The following CALN1 variants were observed in gnomAD, a reference collection of about 807,000 sequenced individuals.
The protein encoded by CALN1 is calcium-binding protein 8.
Under a neutral mutation model 30.6 loss-of-function variants are expected in CALN1, and 17 were observed. The ratio of observed to expected loss-of-function variants is 0.56; its 90% CI spans 0.38 to 0.83. CALN1 has a LOEUF of 0.83. Among genes scored for constraint, CALN1 ranks in the 40% least tolerant of loss-of-function variants. The probability of loss-of-function intolerance (pLI) is 0.00; values close to 1 mark genes in which losing one functional copy is unlikely to be tolerated. For synonymous variants in CALN1, 156 were observed against 131.4 expected (o/e 1.19, Z -1.28); for missense variants, 291 against 354.9 (o/e 0.82, Z 1.45).
intron 2 of CALN1, among the ~76,000 whole-genome samples, chr7:72,331,827 G>A (rs1048071759): frequency 1.3e-5 from 2 of 152,006 alleles, no homozygotes; most frequent in Non-Finnish European, 1.5e-5. Flanking sequence ...AATCCATTAG[G>A]TATTCTTCCT....
chr7:71,908,398 A>G (rs1794251798), intron 5 of CALN1, among the ~76,000 whole-genome samples: 1 of 152,220 alleles, frequency 6.6e-6, no homozygotes, highest in South Asian at 2.1e-4. Flanking sequence ...AAGGAAAGCT[A>G]CTTTCAATGC....
chr7:71,784,711 C>T lies in CALN1; in HGVS notation c.*3064G>A, dbSNP rs1373803291. On this transcript the variant is annotated 3_prime_UTR_variant, in exon 7 of 7. Coordinates refer to ENST00000395275, the MANE Select transcript of CALN1 (RefSeq NM_031468.4). ...GTTTGTCAATCACTCAGCCTCCACA[C>T]AGTTGGGCAGCCAAGGTCACTGGTT... 10 of 398,076 alleles carry T rather than the reference C, an allele frequency of 2.5e-5. No individual in the cohort carries two copies. Among genetic ancestry groups the T allele is most frequent in the Non-Finnish European group, 4.0e-5 (9 of 225,910 alleles). 24.7% of individuals were successfully genotyped at this position (398,076 alleles called of 1,614,324 possible). A position where few individuals can be genotyped will look rare whatever the true frequency, so the allele number is the denominator to read the frequency against.
At chr7:72,275,207 G>GC (rs1764236569) in intron 3 of CALN1, among the ~76,000 whole-genome samples, 1 of 152,086 alleles carries the variant, frequency 6.6e-6, no homozygotes, top group Admixed American at 6.6e-5. Context: ...AAAGGATGCT[G>GC]CGATGTCCAT....
At chr7:71,963,407 T>C (rs1007800829) in intron 5 of CALN1, among the ~76,000 whole-genome samples, 32 of 152,212 alleles carry the variant, frequency 2.1e-4, no homozygotes, top group African/African-American at 5.1e-4. Flanking sequence ...GTGATCCACC[T>C]GCCTCAGCCT....
At chr7:71,848,090 G>A (rs912144435) in intron 5 of CALN1, among the ~76,000 whole-genome samples, 2 of 152,144 alleles carry the variant, frequency 1.3e-5, no homozygotes, top group Admixed American at 1.3e-4. Context: ...TCTAGTCAAG[G>A]TAACACATAA....
rs563924443 is a variant in CALN1, at chr7:71,895,761, C to T, written c.502-85269G>A. 3.2e-4 allele frequency among the ~76,000 whole-genome samples: 49 copies of T among 152,330 alleles called. No individual in the cohort carries two copies. In the East Asian group the frequency reaches 8.9e-3, roughly 28 times the overall value. On this transcript the variant is annotated intron_variant, in intron 5 of 6. Transcript: ENST00000395275. The stretch of plus-strand genomic sequence containing the variant: ...CCTGCTAGAGATGTACCTACTAAGG[C>T]ATGGATTCCTTCCAGTCATTCATTA...
intron 4 of CALN1, among the ~76,000 whole-genome samples, chr7:72,034,163 C>T (rs905457502): frequency 1.3e-5 from 2 of 151,644 alleles, no homozygotes; most frequent in African/African-American, 4.8e-5. Context: ...ACCATCCTGG[C>T]TAACACGGTG....
At chr7:71,812,386 T>C (rs914576305) in intron 5 of CALN1, among the ~76,000 whole-genome samples, 9 of 152,134 alleles carry the variant, frequency 5.9e-5, no homozygotes, top group Non-Finnish European at 1.2e-4. Flanking sequence ...ATGAGAAAAC[T>C]GTGACTGGAG....
intron 4 of CALN1, among the ~76,000 whole-genome samples, chr7:72,077,252 C>CA (rs1231764049): frequency 2.0e-5 from 3 of 151,790 alleles, no homozygotes; most frequent in Non-Finnish European, 4.4e-5. Flanking sequence ...CTAGCTGGGG[C>CA]AAAGAAGGAA....
chr7:72,367,247 G>A (rs1251285096), intron 2 of CALN1, among the ~76,000 whole-genome samples: 1 of 152,150 alleles, frequency 6.6e-6, no homozygotes, highest in African/African-American at 2.4e-5. Context: ...AACACTTTGG[G>A]AGGCTGAGGC....
intron 3 of CALN1, among the ~76,000 whole-genome samples, chr7:72,171,686 G>T (rs1315499302): frequency 6.6e-6 from 1 of 152,072 alleles, no homozygotes; most frequent in East Asian, 1.9e-4. Context: ...GATTTTTGAA[G>T]ATCTTTGTAC....
chr7:72,348,319 A>C (rs908117515), intron 2 of CALN1, among the ~76,000 whole-genome samples: 1 of 152,190 alleles, frequency 6.6e-6, no homozygotes, highest in Non-Finnish European at 1.5e-5. Context: ...GCAACTGCCC[A>C]GCTTTCTACC....
chr7:72,109,798 T>C (rs1056342361), intron 3 of CALN1, among the ~76,000 whole-genome samples: 3 of 152,304 alleles, frequency 2.0e-5, no homozygotes, highest in African/African-American at 7.2e-5. Context: ...AGTCAGCCCA[T>C]GAGGCAGCCA....
intron 1 of CALN1, among the ~76,000 whole-genome samples, chr7:72,441,078 G>T (rs1292358283): frequency 6.6e-6 from 1 of 152,070 alleles, no homozygotes; most frequent in East Asian, 1.9e-4. Context: ...TTTCAAGTAG[G>T]GTAAAATCTG....
chr7:72,501,321 C>G, the CALN1 span, among the ~76,000 whole-genome samples: 1 of 118,834 alleles, frequency 8.4e-6, no homozygotes, highest in Non-Finnish European at 1.6e-5. Flanking sequence ...TCACTTGAGA[C>G]CAGGAGTTCA....
At chr7:72,001,271 T>C (rs1584718932) in intron 5 of CALN1, among the ~76,000 whole-genome samples, 2 of 152,038 alleles carry the variant, frequency 1.3e-5, no homozygotes, top group East Asian at 2.0e-4. Flanking sequence ...TCTAAACAGG[T>C]AGAAAAACCT....
At chr7:72,290,276 A>G (rs1051802655) in intron 2 of CALN1, among the ~76,000 whole-genome samples, 9 of 152,114 alleles carry the variant, frequency 5.9e-5, no homozygotes, top group African/African-American at 2.2e-4. Flanking sequence ...ACATGAAAAC[A>G]TGACATTTTC....
intron 3 of CALN1, among the ~76,000 whole-genome samples, chr7:72,200,272 G>C (rs956819409): frequency 6.6e-6 from 1 of 152,122 alleles, no homozygotes; most frequent in Non-Finnish European, 1.5e-5. Context: ...GTGAATCCCA[G>C]CGTTACCACC....
chr7:72,409,968 A>G (rs1199755400), intron 1 of CALN1, among the ~76,000 whole-genome samples: 2 of 152,190 alleles, frequency 1.3e-5, no homozygotes, highest in Non-Finnish European at 2.9e-5. Context: ...CCTTTCCTCT[A>G]AAACCCTGCA....
Sources: gnomAD v4.1 joint callset for allele counts (sites outside exome capture counted in the v4.1 genomes callset) on GRCh38, gnomAD v4.1.1 for gene constraint, MANE v1.5 for transcripts, NCBI Gene and HGNC (gene_info 2026-07-23, HGNC 2026-07-21) for gene names.